Variants in CDYL2 observed in about 807,000 individuals in gnomAD.
CDYL2 encodes chromodomain Y-like protein 2.
In CDYL2, 23 loss-of-function variants were observed where a neutral mutation model predicts 49.4. The observed-to-expected ratio is 0.47, with a 90% confidence interval of 0.34 to 0.66. CDYL2 has a LOEUF of 0.66. CDYL2 is among the 30% of genes least tolerant of loss of function. The pLI is 0.01. For missense variants in CDYL2, 678 were observed against 656.4 expected, an observed-to-expected ratio of 1.03 and a Z score of -0.36; for synonymous variants, 360 against 268.8, an observed-to-expected ratio of 1.34 and a Z score of -3.32.
chr16:80,613,687 A>C (rs1014850825), intron 4 of CDYL2, among the ~76,000 whole-genome samples: 2 of 152,242 alleles, frequency 1.3e-5, no homozygotes, highest in African/African-American at 4.8e-5. Context: ...CCTTTGCCTC[A>C]GAAGGCTTTT....
intron 1 of CDYL2, among the ~76,000 whole-genome samples, chr16:80,737,694 G>A (rs1905585736): frequency 6.6e-6 from 1 of 152,198 alleles, no homozygotes; most frequent in Non-Finnish European, 1.5e-5. Flanking sequence ...TTAAGACACA[G>A]ATGGCTGGGC....
chr16:80,770,124 T>C (rs1402080292), intron 1 of CDYL2, among the ~76,000 whole-genome samples: 2 of 152,088 alleles, frequency 1.3e-5, no homozygotes, highest in South Asian at 2.1e-4. Flanking sequence ...AAAAAAATGA[T>C]AGGCAAAATG....
At chr16:80,644,005 G>T (rs1295020210) in intron 2 of CDYL2, among the ~76,000 whole-genome samples, 1 of 152,146 alleles carries the variant, frequency 6.6e-6, no homozygotes, top group African/African-American at 2.4e-5. Context: ...CTATCACATT[G>T]TCAGGCTACA....
rs768656038 is a variant in CDYL2 at position 80,612,678 on chromosome 16, G to A, written c.1166C>T (p.Thr389Met). The A allele has an allele frequency of 9.3e-6, 15 of 1,613,216 alleles. No homozygotes were observed. The highest frequency in any genetic ancestry group is 3.3e-5 in the South Asian group (3 of 91,030). Residue 389 changes from threonine to methionine, a missense_variant, in exon 5 of 7, where the codon ACG becomes ATG. Thr to Met is a moderately conservative substitution (Grantham distance 81). This residue lies in a region of CDYL2 where 153 missense variants were observed against 150.6 expected (regional missense o/e 1.02). Coordinates refer to ENST00000570137, the MANE Select transcript of CDYL2 (RefSeq NM_152342.4). The surrounding 1 kb of genome is among the most constrained non-coding windows in gnomAD (Gnocchi z 5.0). ...GGTGTAGGAGGAGCAGCCAGCAGGCGTGAGGCGGATGGTGGCGTAGGGCGT... is the reference window on the plus strand; with the variant it reads ...GGTGTAGGAGGAGCAGCCAGCAGGCATGAGGCGGATGGTGGCGTAGGGCGT... ...FQTPYATIRL[T>M]PAGCSSYTFP...
intron 1 of CDYL2, among the ~76,000 whole-genome samples, chr16:80,788,357 GC>G (rs145049351): frequency 9.0e-4 from 137 of 152,324 alleles, no homozygotes; most frequent in African/African-American, 3.2e-3. Flanking sequence ...TCAAAGAGAT[GC>G]TTTCCCATCC....
At chr16:80,643,792 C>A (rs1908210707) in intron 2 of CDYL2, among the ~76,000 whole-genome samples, 1 of 152,216 alleles carries the variant, frequency 6.6e-6, no homozygotes, top group African/African-American at 2.4e-5. Context: ...CACACAGCAA[C>A]AGGACCCCGG....
At position 80,600,826 on chromosome 16, in the gene CDYL2, G is replaced by T. The variant is rs1460813431; in HGVS notation, c.*3562C>A. The T allele has an allele frequency of 1.3e-5, 2 of 152,036 alleles. No individual in the cohort carries two copies. The highest frequency in any genetic ancestry group is 2.9e-5 in the Non-Finnish European group (2 of 68,002). 9.4% of individuals were successfully genotyped at this position (152,036 alleles called of 1,614,324 possible). On this transcript the variant is annotated 3_prime_UTR_variant, in exon 7 of 7. Coordinates refer to ENST00000570137, the MANE Select transcript of CDYL2 (RefSeq NM_152342.4). ...AAATTTTTAAAACCAAAAATTAATG[G>T]GAAATGCAATTCAGCATTCAGTGAA...
rs1020610305 is a variant in CDYL2 at position 80,804,258 on chromosome 16, CGTGT to C, written c.-89_-86del. On this transcript the variant is annotated 5_prime_UTR_variant, in exon 1 of 7. Coordinates refer to ENST00000570137, the MANE Select transcript of CDYL2 (RefSeq NM_152342.4). The stretch of plus-strand genomic sequence containing the variant: ...GTGTGCGCGCGGGGTCCGGTGTGCG[CGTGT>C]GTGTGCGCGCGTGTGTGTGCGAGTG... 2.5e-6 allele frequency: 3 copies of C among 1,210,852 alleles called. No homozygotes were observed. The East Asian group carries it at 1.3e-4, about 54-fold the overall frequency. The allele number at this position is 1,210,852 out of a possible 1,614,324, so 75.0% of individuals were successfully genotyped here. A position where few individuals can be genotyped will look rare whatever the true frequency, so the allele number is the denominator to read the frequency against.
intron 1 of CDYL2, among the ~76,000 whole-genome samples, chr16:80,717,578 C>A (rs1208455142): frequency 1.3e-5 from 2 of 152,094 alleles, no homozygotes; most frequent in Non-Finnish European, 2.9e-5. Context: ...GAAGAGAAAA[C>A]CCCTGAGAGA....
intron 1 of CDYL2, among the ~76,000 whole-genome samples, chr16:80,761,835 G>A (rs955124839): frequency 2.7e-5 from 4 of 149,784 alleles, no homozygotes; most frequent in African/African-American, 9.9e-5. Context: ...TAAATATAAT[G>A]CACATAAAAT....
intron 1 of CDYL2, among the ~76,000 whole-genome samples, chr16:80,789,648 G>A (rs1047998108): frequency 6.6e-6 from 1 of 151,434 alleles, no homozygotes; most frequent in African/African-American, 2.4e-5. Context: ...ACTATTACAA[G>A]AGCAAAGTCA....
chr16:80,658,640 C>T (rs753109715), intron 2 of CDYL2, among the ~76,000 whole-genome samples: 2 of 152,138 alleles, frequency 1.3e-5, no homozygotes, highest in Non-Finnish European at 1.5e-5. Context: ...TAAAATGGAT[C>T]ATAGGTATTG....
At chr16:80,607,364 G>C (rs962494037) in intron 6 of CDYL2, among the ~76,000 whole-genome samples, 1 of 152,166 alleles carries the variant, frequency 6.6e-6, no homozygotes, top group South Asian at 2.1e-4. Flanking sequence ...GGGAGACAAG[G>C]AAGGGAGGGG....
intron 1 of CDYL2, among the ~76,000 whole-genome samples, chr16:80,716,630 T>C (rs118192681): frequency 9.2e-5 from 14 of 151,980 alleles, no homozygotes; most frequent in African/African-American, 3.1e-4. Context: ...GATGGGTGGA[T>C]GGATGGATGG....
At chr16:80,743,709 T>G (rs1300738796) in intron 1 of CDYL2, among the ~76,000 whole-genome samples, 2 of 152,232 alleles carry the variant, frequency 1.3e-5, no homozygotes, top group Non-Finnish European at 2.9e-5. Context: ...TTTGCCCCTT[T>G]CATCTCAGTC....
At chr16:80,673,898 G>C (rs367578936) in intron 2 of CDYL2, among the ~76,000 whole-genome samples, 4 of 152,318 alleles carry the variant, frequency 2.6e-5, no homozygotes, top group African/African-American at 9.6e-5. Flanking sequence ...AAGAGAAGGA[G>C]ATGTGAGGAT....
rs529017263 is a variant in CDYL2 at position 80,614,819 on chromosome 16, G to A, written c.1008-1983C>T. ...GTGGAGGTTGTAGTGAGCCGAGATC[G>A]GGCCACTGCATTCCAGCCTGGGAAA... On this transcript the variant is annotated intron_variant, in intron 4 of 6. Coordinates refer to ENST00000570137, the MANE Select transcript of CDYL2 (RefSeq NM_152342.4). 5.3e-5 allele frequency among the ~76,000 whole-genome samples: 8 copies of A among 150,338 alleles called. No individual in the cohort carries two copies. The East Asian group carries it at 7.8e-4, about 15-fold the overall frequency.
At chr16:80,742,808 A>C (rs1567591993) in intron 1 of CDYL2, among the ~76,000 whole-genome samples, 2 of 37,158 alleles carry the variant, frequency 5.4e-5, no homozygotes, top group Non-Finnish European at 1.7e-4. Flanking sequence ...ACAAATAGAC[A>C]GATGTAAAAT....
rs746932115 is a variant in CDYL2, at chr16:80,684,867, G to A, written c.287C>T (p.Pro96Leu). Residue 96 changes from proline to leucine, a missense_variant, in exon 2 of 7, where the codon CCT (proline) becomes CTT (leucine). Physicochemically the swap from Pro to Leu is moderately conservative, Grantham distance 98 (BLOSUM62 -3). Transcript: ENST00000570137. ...VEKLSHRPSD[P>L]GKSKGTSHKR... ...ATGGGAGGTCCCCTTGCTCTTTCCA[G>A]GATCTGAAGGTCTGTGGGACAGTTT... 14 of 1,614,062 alleles carry A rather than the reference G, an allele frequency of 8.7e-6. No individual in the cohort carries two copies. In the East Asian group the frequency reaches 2.5e-4, roughly 28 times the overall value.
Sources: gnomAD v4.1 joint callset for allele counts (sites outside exome capture counted in the v4.1 genomes callset) on GRCh38, gnomAD v4.1.1 for gene constraint, gnomAD v4.1.1 regional missense constraint, Gnocchi (gnomAD v3.1) non-coding constraint, MANE v1.5 for transcripts, NCBI Gene and HGNC (gene_info 2026-07-23, HGNC 2026-07-21) for gene names.